Variants in RBFOX1 observed in about 807,000 individuals in gnomAD.
The protein encoded by RBFOX1 is RNA binding fox-1 homolog 1.
In RBFOX1, 8 loss-of-function variants were observed where a neutral mutation model predicts 57.7. The ratio of observed to expected loss-of-function variants is 0.14; its 90% CI spans 0.08 to 0.25. The LOEUF (loss-of-function observed/expected upper bound fraction) is 0.25. Among genes scored for constraint, RBFOX1 ranks in the 10% least tolerant of loss-of-function variants. The pLI is 1.00. For synonymous variants in RBFOX1, 326 were observed against 222.4 expected, an observed-to-expected ratio of 1.47 and a Z score of -4.15; for missense variants, 611 against 548.5, an observed-to-expected ratio of 1.11 and a Z score of -1.14.
intron 3 of RBFOX1, among the ~76,000 whole-genome samples, chr16:5,805,995 A>G (rs1026694359): frequency 1.3e-5 from 2 of 152,032 alleles, no homozygotes; most frequent in African/African-American, 4.8e-5. Context: ...GAGTCAATAA[A>G]TGGTAATGAA....
At chr16:6,262,328 A>G (rs1023150303) in intron 1 of RBFOX1, among the ~76,000 whole-genome samples, 1 of 152,184 alleles carries the variant, frequency 6.6e-6, no homozygotes, top group East Asian at 1.9e-4. Context: ...TTATCCCGAA[A>G]TTAGTCACAT....
intron 2 of RBFOX1, among the ~76,000 whole-genome samples, chr16:6,353,562 G>T (rs1424003441): frequency 6.6e-6 from 1 of 152,086 alleles, no homozygotes; most frequent in East Asian, 1.9e-4. Context: ...AGAGAGCCAG[G>T]TAGGATGGGT....
chr16:7,138,173 T>G (rs938764602), intron 4 of RBFOX1, among the ~76,000 whole-genome samples: 1 of 151,972 alleles, frequency 6.6e-6, no homozygotes, highest in Non-Finnish European at 1.5e-5. Context: ...AATCCAAAGC[T>G]TTGGGTGTGA....
chr16:5,290,931 C>G (rs920480059), intron 1 of RBFOX1, among the ~76,000 whole-genome samples: 4 of 152,068 alleles, frequency 2.6e-5, no homozygotes, highest in Admixed American at 6.5e-5. Flanking sequence ...ACTCCTGGAT[C>G]TCAGGTGATG....
At chr16:6,092,866 A>C (rs921220780) in intron 1 of RBFOX1, 1 of 152,190 alleles carries the variant, frequency 6.6e-6, no homozygotes, top group African/African-American at 2.4e-5. Flanking sequence ...TGCCTTGACT[A>C]TTCAGGCTCT....
chr16:5,645,879 T>G (rs1054803372), intron 3 of RBFOX1, among the ~76,000 whole-genome samples: 16 of 152,220 alleles, frequency 1.1e-4, no homozygotes, highest in Non-Finnish European at 2.2e-4. Context: ...TATGTTGTTA[T>G]GCTGGAATGC....
rs567499059 is a variant in RBFOX1, at chr16:5,304,846, A to C, written c.219+64741A>C. ...CCATATAAAGTGATTTTTTTCCCCC[A>C]AAACAATATAGAGAAATGTTTTCAT... On this transcript the variant is annotated intron_variant, in intron 1 of 2. Transcript: ENST00000585867. Among the ~76,000 whole-genome samples the C allele has an allele frequency of 3.1e-4, 47 of 152,136 alleles. No individual in the cohort carries two copies. In the South Asian group the frequency reaches 9.3e-3, roughly 30 times the overall value.
At chr16:6,899,516 G>C (rs2067924104) in intron 3 of RBFOX1, among the ~76,000 whole-genome samples, 1 of 152,168 alleles carries the variant, frequency 6.6e-6, no homozygotes, top group African/African-American at 2.4e-5. Context: ...TGAGTGGAAA[G>C]GAATGAGTTT....
chr16:7,208,272 A>G (rs1009494933), intron 4 of RBFOX1, among the ~76,000 whole-genome samples: 2 of 152,184 alleles, frequency 1.3e-5, no homozygotes, highest in Admixed American at 1.3e-4. Context: ...CCTTTGCCTC[A>G]CAATGTGACT....
intron 3 of RBFOX1, among the ~76,000 whole-genome samples, chr16:5,818,192 G>A (rs774644777): frequency 5.9e-5 from 9 of 152,202 alleles, no homozygotes; most frequent in South Asian, 2.1e-4. Context: ...CAGGCTGTGT[G>A]TTAGGAGGTT....
At chr16:7,469,990 G>A (rs2061269761) in intron 4 of RBFOX1, among the ~76,000 whole-genome samples, 1 of 149,008 alleles carries the variant, frequency 6.7e-6, no homozygotes, top group African/African-American at 2.5e-5. Context: ...GTACATTGAT[G>A]TGTTCAAGGT....
At chr16:7,154,340 C>G (rs1311564232) in intron 4 of RBFOX1, among the ~76,000 whole-genome samples, 4 of 152,206 alleles carry the variant, frequency 2.6e-5, no homozygotes, top group Non-Finnish European at 5.9e-5. Context: ...TCATCCATCT[C>G]TGCCTGGGAG....
chr16:5,299,185 T>A (rs2063747034), intron 1 of RBFOX1, among the ~76,000 whole-genome samples: 1 of 152,102 alleles, frequency 6.6e-6, no homozygotes, highest in African/African-American at 2.4e-5. Flanking sequence ...TCATATGCTA[T>A]GCACTCCTTT....
At chr16:7,422,909 A>G (rs2098556169) in intron 4 of RBFOX1, 1 of 152,132 alleles carries the variant, frequency 6.6e-6, no homozygotes, top group Non-Finnish European at 1.5e-5. Flanking sequence ...CATTTGCTAA[A>G]GCCTCTCCAC....
At chr16:5,324,643 C>T (rs2064511638) in intron 1 of RBFOX1, among the ~76,000 whole-genome samples, 1 of 152,170 alleles carries the variant, frequency 6.6e-6, no homozygotes, top group South Asian at 2.1e-4. Context: ...AGAACGAAAT[C>T]ATGTCCTTTG....
chr16:6,343,619 C>T (rs1423266954), intron 2 of RBFOX1, among the ~76,000 whole-genome samples: 1 of 152,162 alleles, frequency 6.6e-6, no homozygotes, highest in African/African-American at 2.4e-5. Flanking sequence ...ATAAGGTATT[C>T]ATGTTTCCAT....
At chr16:7,403,990 C>T (rs934212935) in intron 4 of RBFOX1, among the ~76,000 whole-genome samples, 4 of 147,634 alleles carry the variant, frequency 2.7e-5, no homozygotes, top group East Asian at 2.0e-4. Flanking sequence ...GTGAATATGC[C>T]GCAGTGAACA....
intron 2 of RBFOX1, among the ~76,000 whole-genome samples, chr16:6,592,904 G>A (rs1032770321): frequency 2.0e-5 from 3 of 152,166 alleles, no homozygotes; most frequent in African/African-American, 7.2e-5. Context: ...AGAGAGTGGA[G>A]ATCATTGGCT....
At chr16:7,516,475 A>T (rs1481315016) in intron 4 of RBFOX1, among the ~76,000 whole-genome samples, 1 of 152,216 alleles carries the variant, frequency 6.6e-6, no homozygotes, top group East Asian at 1.9e-4. Context: ...TTGTTGAAGA[A>T]ACAGGAGTGG....
Sources: gnomAD v4.1 joint callset for allele counts (sites outside exome capture counted in the v4.1 genomes callset) on GRCh38, gnomAD v4.1.1 for gene constraint, MANE v1.5 for transcripts, NCBI Gene and HGNC (gene_info 2026-07-23, HGNC 2026-07-21) for gene names.